Variants in GNAL observed in about 807,000 individuals in gnomAD.
GNAL encodes guanine nucleotide-binding protein G(olf) subunit alpha.
Under a neutral mutation model 55.1 loss-of-function variants are expected in GNAL, and 18 were observed. That is an observed-to-expected ratio of 0.33 (90% CI 0.23 to 0.48). The LOEUF is 0.48. GNAL is among the 20% of genes least tolerant of loss of function. The pLI is 0.99. For missense variants in GNAL, 412 were observed against 614.1 expected, an observed-to-expected ratio of 0.67 and a Z score of 3.48; for synonymous variants, 253 against 237.0, an observed-to-expected ratio of 1.07 and a Z score of -0.62.
At chr18:11,861,206 G>A (rs765113709) in intron 5 of GNAL, among the ~76,000 whole-genome samples, 78 of 152,266 alleles carry the variant, frequency 5.1e-4, no homozygotes, top group Non-Finnish European at 8.5e-4. Context: ...AGGGCCTCCC[G>A]TCAACGCCAG....
rs368166184 is a variant in GNAL, at chr18:11,689,869, C to G, written c.306C>G (p.Ser102Arg). ...CGGTCAAGGAGGCGAGGAAAGTGAG[C>G]CGGGGCATCGACCGCATGCTGCGCG... ...REAVKEARKV[S>R]RGIDRMLRDQ... The change falls in exon 1 of 12, where the codon AGC becomes AGG. Residue 102 changes from serine (S) to arginine (R), a missense_variant. This residue lies in a region of GNAL where 228 missense variants were observed against 194.8 expected (regional missense o/e 1.17). Coordinates refer to ENST00000334049, the MANE Select transcript of GNAL (RefSeq NM_182978.4). 3.3e-6 allele frequency: 5 copies of G among 1,512,868 alleles called. No individual in the cohort carries two copies. Among genetic ancestry groups the G allele is most frequent in the Non-Finnish European group, 4.4e-6 (5 of 1,133,398 alleles). The allele number at this position is 1,512,868 out of a possible 1,614,324, so 93.7% of individuals were successfully genotyped here. A position where few individuals can be genotyped will look rare whatever the true frequency, so the allele number is the denominator to read the frequency against.
At position 11,752,363 on chromosome 18, in the gene GNAL, A is replaced by C; in HGVS notation, c.377-490A>C. The C allele has an allele frequency of 6.6e-7, 1 of 1,524,926 alleles. No homozygotes were observed. The highest frequency in any genetic ancestry group is 8.8e-7 in the Non-Finnish European group (1 of 1,140,206). The allele number at this position is 1,524,926 out of a possible 1,614,324, so 94.5% of individuals were successfully genotyped here. A position where few individuals can be genotyped will look rare whatever the true frequency, so the allele number is the denominator to read the frequency against. Reference sequence around the variant, plus strand: ...AGAGAGGAGCCGTCGCAGGAGCCGCACACGTCTCCAACTCTCTATTGCTTT... The same window carrying C: ...AGAGAGGAGCCGTCGCAGGAGCCGCCCACGTCTCCAACTCTCTATTGCTTT... On this transcript the variant is annotated intron_variant, in intron 1 of 11. Transcript: ENST00000334049. The surrounding 1 kb of genome is among the most constrained non-coding windows in gnomAD (Gnocchi z 4.5).
intron 4 of GNAL, among the ~76,000 whole-genome samples, chr18:11,782,464 A>G (rs1347545871): frequency 6.6e-6 from 1 of 152,246 alleles, no homozygotes; most frequent in Non-Finnish European, 1.5e-5. Context: ...AAAAACAAGC[A>G]TAACTAAGTA....
chr18:11,870,504 G>T (rs1294418111), intron 9 of GNAL, among the ~76,000 whole-genome samples: 2 of 152,078 alleles, frequency 1.3e-5, no homozygotes, highest in Admixed American at 1.3e-4. Context: ...CTGGGCAACA[G>T]AGTGAGACTC....
At chr18:11,693,093 G>A (rs911834935) in intron 1 of GNAL, among the ~76,000 whole-genome samples, 1 of 152,060 alleles carries the variant, frequency 6.6e-6, no homozygotes, top group Non-Finnish European at 1.5e-5. Context: ...AATAGGATCA[G>A]GAGTTGTGAC....
At chr18:11,811,012 C>G (rs1362450751) in intron 4 of GNAL, 1 of 152,370 alleles carries the variant, frequency 6.6e-6, no homozygotes, top group Non-Finnish European at 1.5e-5. Flanking sequence ...TGCACCAGGA[C>G]TTAATGTGGT....
At chr18:11,876,724 C>CCTT (rs1268378772) in intron 11 of GNAL, 36 bp downstream of exon 11, 1 of 1,118,282 alleles carries the variant, frequency 8.9e-7, no homozygotes, top group South Asian at 1.2e-5. Flanking sequence ...TTTCTACCTC[C>CCTT]CTTCTTAATC....
In GNAL at chr18:11,868,427, G is replaced by C. The variant is rs2036315484; in HGVS notation, c.911-116G>C. On this transcript the variant is annotated intron_variant, in intron 8 of 11. Coordinates refer to ENST00000334049, the MANE Select transcript of GNAL (RefSeq NM_182978.4). The surrounding 1 kb of genome is among the most constrained non-coding windows in gnomAD (Gnocchi z 4.0). ...CTGCAGGCTGTTCTGTGACTGAATAGTCCTATCACTGAATGAATGTTTTTG... is the reference window on the plus strand; with the variant it reads ...CTGCAGGCTGTTCTGTGACTGAATACTCCTATCACTGAATGAATGTTTTTG... 2 of 871,966 alleles carry C rather than the reference G, an allele frequency of 2.3e-6. No individual in the cohort carries two copies. The highest frequency in any genetic ancestry group is 4.6e-5 in the Admixed American group (2 of 43,936). 54.0% of individuals were successfully genotyped at this position (871,966 alleles called of 1,614,324 possible). A position where few individuals can be genotyped will look rare whatever the true frequency, so the allele number is the denominator to read the frequency against.
chr18:11,870,723 A>G (rs529867291), intron 9 of GNAL, among the ~76,000 whole-genome samples: 2 of 152,292 alleles, frequency 1.3e-5, no homozygotes, highest in East Asian at 3.9e-4. Flanking sequence ...CAATACATAC[A>G]TATATAGTTA....
intron 9 of GNAL, among the ~76,000 whole-genome samples, chr18:11,871,617 T>G (rs549065352): frequency 1.3e-5 from 2 of 152,330 alleles, no homozygotes; most frequent in South Asian, 4.1e-4. Flanking sequence ...TTTGAAGTGA[T>G]GGAGGCGGAA....
chr18:11,690,461 A>ATTT (rs143200662), intron 1 of GNAL, among the ~76,000 whole-genome samples: 1,521 of 149,852 alleles, frequency 0.01, 14 homozygotes, highest in African/African-American at 0.035. Flanking sequence ...CTGCACTTGC[A>ATTT]TTTTTTTTTT....
intron 4 of GNAL, among the ~76,000 whole-genome samples, chr18:11,786,342 C>A (rs2034054880): frequency 6.8e-6 from 1 of 147,994 alleles, no homozygotes; most frequent in South Asian, 2.2e-4. Flanking sequence ...AAAATCAATT[C>A]ATTTTAGAGG....
intron 11 of GNAL, among the ~76,000 whole-genome samples, chr18:11,880,345 G>C (rs748041812): frequency 4.7e-5 from 7 of 150,486 alleles, no homozygotes; most frequent in Non-Finnish European, 1.0e-4. Context: ...GAGGTGGGCG[G>C]ATCACTTGAG....
intron 5 of GNAL, chr18:11,852,126 C>A (rs756110664): frequency 1.3e-6 from 2 of 1,564,506 alleles, no homozygotes; most frequent in South Asian, 1.2e-5. Flanking sequence ...AGAACCCGCT[C>A]TGAGGTTTCC....
intron 5 of GNAL, among the ~76,000 whole-genome samples, chr18:11,830,282 CTTTTTT>C (rs71172023): frequency 2.0e-5 from 2 of 99,218 alleles, no homozygotes; most frequent in African/African-American, 8.1e-5. Context: ...AGAATTGCAT[CTTTTTT>C]TTTTTTTTTT....
At chr18:11,753,444 A>G in intron 2 of GNAL, 184 bp from the exon 3 acceptor site, 1 of 550,532 alleles carries the variant, frequency 1.8e-6, no homozygotes, top group Non-Finnish European at 3.3e-6. Context: ...TAGAGTACAA[A>G]TTAGAAAAGA....
At chr18:11,825,583 T>C (rs2035218808) in intron 5 of GNAL, among the ~76,000 whole-genome samples, 2 of 151,926 alleles carry the variant, frequency 1.3e-5, no homozygotes, top group Admixed American at 6.6e-5. Context: ...ATACAAAAAT[T>C]AGCTAGGCGT....
At chr18:11,872,779 C>G (rs548133997) in intron 10 of GNAL, among the ~76,000 whole-genome samples, 18 of 152,288 alleles carry the variant, frequency 1.2e-4, no homozygotes, top group Middle Eastern at 3.4e-3. Context: ...ATGGTAGTTT[C>G]TATTATTTTT....
intron 1 of GNAL, among the ~76,000 whole-genome samples, chr18:11,694,851 C>T (rs551134365): frequency 4.5e-4 from 68 of 152,278 alleles, no homozygotes; most frequent in African/African-American, 1.4e-3. Flanking sequence ...CTGGTGAGGG[C>T]TCCCTTCCTG....
Sources: allele counts gnomAD v4.1 joint callset (sites outside exome capture counted in the v4.1 genomes callset), GRCh38; gene constraint gnomAD v4.1.1; regional missense constraint gnomAD v4.1.1; non-coding constraint Gnocchi (gnomAD v3.1); transcripts MANE v1.5; gene names NCBI Gene and HGNC (gene_info 2026-07-23, HGNC 2026-07-21).